The following ACSL4 variants were observed in gnomAD, a reference collection of about 807,000 sequenced individuals.
ACSL4 encodes acyl-CoA synthetase long chain family member 4, also known as long-chain-fatty-acid--CoA ligase 4.
A neutral mutation model predicts 49.1 loss-of-function variants in ACSL4; 9 were observed. The observed-to-expected ratio is 0.18, with a 90% CI of 0.11 to 0.32. ACSL4 has a LOEUF of 0.32. ACSL4 is among the 10% of genes least tolerant of loss of function. The pLI, the probability that ACSL4 is intolerant of heterozygous loss-of-function variation, is 1.00. For synonymous variants in ACSL4, 191 were observed against 170.3 expected, an observed-to-expected ratio of 1.12 and a Z score of -0.95; for missense variants, 333 against 493.7, an observed-to-expected ratio of 0.67 and a Z score of 3.08.
intron 15 of ACSL4, among the ~76,000 whole-genome samples, chrX:109,652,003 T>G (rs1242583753): frequency 9.0e-6 from 1 of 111,284 alleles, no homozygotes; most frequent in Non-Finnish European, 1.9e-5. Context: ...CAAACAAAAA[T>G]GTGGCATTTT....
At chrX:109,700,428 T>C (rs1925817978) in intron 1 of ACSL4, among the ~76,000 whole-genome samples, 1 of 106,253 alleles carries the variant, frequency 9.4e-6, no homozygotes, top group Non-Finnish European at 1.9e-5. Context: ...CCCCAGCTAC[T>C]CGGAAGGCTG....
chrX:109,685,088 CTTTTTTTTTTT>C (rs1203140186), intron 2 of ACSL4, among the ~76,000 whole-genome samples: 2 of 77,445 alleles, frequency 2.6e-5, no homozygotes, highest in Non-Finnish European at 5.1e-5. Flanking sequence ...TCTTTTCTTT[CTTTTTTTTTTT>C]TTTTTTTTTT....
rs1261622706 is a variant in ACSL4 at position 109,710,565 on chromosome X, C to T, written c.-65-14369G>A. Among the ~76,000 whole-genome samples the T allele has an allele frequency of 1.5e-4, 17 of 112,474 alleles. No homozygotes were observed. The Admixed American group carries it at 1.6e-3, about 11-fold the overall frequency. On this transcript the variant is annotated intron_variant, in intron 1 of 15. Transcript: ENST00000672401. Reference sequence around the variant, plus strand: ...TCAATTTCTCATCTCACAAAAAACACACTTGTATCTTAAACAGATATAGGA... The same window carrying T: ...TCAATTTCTCATCTCACAAAAAACATACTTGTATCTTAAACAGATATAGGA...
chrX:109,733,238 G>A lies in ACSL4; in HGVS notation c.-165C>T. The A allele has an allele frequency of 3.1e-6, 1 of 321,122 alleles. No homozygotes were observed. Among genetic ancestry groups the A allele is most frequent in the Non-Finnish European group, 6.0e-6 (1 of 166,075 alleles). 26.5% of individuals were successfully genotyped at this position (321,122 alleles called of 1,213,427 possible). A position where few individuals can be genotyped will look rare whatever the true frequency, so the allele number is the denominator to read the frequency against. ...TGCCCGCTAGCGCTGGGACGAGGAG[G>A]AGCGCGCGGCGGAGGCCAGAGAAAA... On this transcript the variant is annotated 5_prime_UTR_variant, in exon 1 of 16. Coordinates refer to ENST00000672401, the MANE Select transcript of ACSL4 (RefSeq NM_001318510.2).
chrX:109,693,153 T>C (rs1438667667), intron 2 of ACSL4, among the ~76,000 whole-genome samples: 1 of 111,801 alleles, frequency 8.9e-6, no homozygotes, highest in Non-Finnish European at 1.9e-5. Flanking sequence ...TGTCAGACTG[T>C]TAATAAATTA....
chrX:109,659,994 A>G (rs1421163959), intron 14 of ACSL4, among the ~76,000 whole-genome samples: 1 of 111,355 alleles, frequency 9.0e-6, no homozygotes, highest in Non-Finnish European at 1.9e-5. Context: ...GCTAGAAAAA[A>G]AAAAACAGAA....
intron 4 of ACSL4, among the ~76,000 whole-genome samples, chrX:109,681,855 A>G (rs1924190198): frequency 8.9e-6 from 1 of 111,916 alleles, no homozygotes; most frequent in African/African-American, 3.2e-5. Context: ...AGTGAGTCCA[A>G]TGTCCAATGT....
intron 11 of ACSL4, among the ~76,000 whole-genome samples, chrX:109,667,517 A>G (rs1922768737): frequency 8.9e-6 from 1 of 112,685 alleles, no homozygotes; most frequent in African/African-American, 3.2e-5. Flanking sequence ...TTAATAGTAC[A>G]GTTCTCCAAA....
At chrX:109,715,059 G>A (rs1327604754) in intron 1 of ACSL4, among the ~76,000 whole-genome samples, 2 of 110,784 alleles carry the variant, frequency 1.8e-5, no homozygotes, top group African/African-American at 3.3e-5. Flanking sequence ...CAGGAATGAG[G>A]GATATATACT....
intron 1 of ACSL4, among the ~76,000 whole-genome samples, chrX:109,705,428 C>CA (rs1054347263): frequency 1.8e-5 from 2 of 112,195 alleles, no homozygotes; most frequent in Non-Finnish European, 3.8e-5. Flanking sequence ...TGCTCAAAGA[C>CA]AAACATTGCC....
intron 9 of ACSL4, among the ~76,000 whole-genome samples, chrX:109,672,079 TAAAAAAAAAAA>T (rs764711316): frequency 2.7e-5 from 1 of 37,389 alleles, no homozygotes; most frequent in Non-Finnish European, 4.6e-5. Flanking sequence ...CAATAAATAC[TAAAAAAAAAAA>T]AAAAAAAAAA....
chrX:109,660,029 G>C (rs1386472655), intron 14 of ACSL4, among the ~76,000 whole-genome samples: 1 of 109,592 alleles, frequency 9.1e-6, no homozygotes, highest in Non-Finnish European at 1.9e-5. Context: ...GAATAGATTT[G>C]GCAATATTTC....
chrX:109,722,747 T>C (rs1322386209), intron 1 of ACSL4, among the ~76,000 whole-genome samples: 1 of 110,713 alleles, frequency 9.0e-6, no homozygotes, highest in Non-Finnish European at 1.9e-5. Context: ...ACTAAAACAC[T>C]GTATTTACAT....
intron 15 of ACSL4, among the ~76,000 whole-genome samples, chrX:109,647,774 T>A (rs1329149092): frequency 9.0e-6 from 1 of 110,712 alleles, no homozygotes; most frequent in African/African-American, 3.3e-5. Flanking sequence ...GATAGACCGC[T>A]AGCAAGACTA....
chrX:109,703,137 C>A (rs1926093089), intron 1 of ACSL4, among the ~76,000 whole-genome samples: 1 of 111,724 alleles, frequency 9.0e-6, no homozygotes, highest in Non-Finnish European at 1.9e-5. Context: ...AAAATGATAA[C>A]ATTACTGTGG....
chrX:109,726,889 G>A (rs1270847471), intron 1 of ACSL4, among the ~76,000 whole-genome samples: 12 of 99,629 alleles, frequency 1.2e-4, no homozygotes, highest in African/African-American at 4.4e-4. Context: ...TGTTTTTTTT[G>A]TTTTTTTTTT....
chrX:109,647,643 A>C, intron 15 of ACSL4, among the ~76,000 whole-genome samples: 1 of 111,672 alleles, frequency 9.0e-6, no homozygotes, highest in East Asian at 2.8e-4. Context: ...CACATTCAAA[A>C]GCTAGCAGAA....
intron 8 of ACSL4, among the ~76,000 whole-genome samples, chrX:109,674,685 G>A (rs764900401): frequency 2.8e-4 from 31 of 112,109 alleles, no homozygotes; most frequent in Non-Finnish European, 5.4e-4. Flanking sequence ...ACCTTCCTTA[G>A]AGGAGAAACC....
chrX:109,652,292 T>C (rs1344305750), intron 15 of ACSL4, among the ~76,000 whole-genome samples: 1 of 112,049 alleles, frequency 8.9e-6, no homozygotes, highest in Non-Finnish European at 1.9e-5. Flanking sequence ...GATAAATCCT[T>C]TGTGGCACAA....
Sources: allele counts gnomAD v4.1 joint callset (sites outside exome capture counted in the v4.1 genomes callset), GRCh38; gene constraint gnomAD v4.1.1; transcripts MANE v1.5; gene names NCBI Gene and HGNC (gene_info 2026-07-23, HGNC 2026-07-21).